The following LRRC37A variants were observed in gnomAD, a reference collection of about 807,000 sequenced individuals.
The protein encoded by LRRC37A is leucine rich repeat containing 37A, also known as leucine-rich repeat-containing protein 37A.
Under a neutral mutation model 35.4 loss-of-function variants are expected in LRRC37A, and 3 were observed. That is an observed-to-expected ratio of 0.08 (90% CI 0.04 to 0.22). LRRC37A has a LOEUF of 0.22. Among genes scored for constraint, LRRC37A ranks in the 10% least tolerant of loss-of-function variants. The pLI is 1.00. For synonymous variants in LRRC37A, 23 were observed against 215.0 expected (o/e 0.11, Z 7.81); for missense variants, 67 against 565.3 (o/e 0.12, Z 8.94).
chr17:46,268,680 A>G, the LRRC37A span: 2 of 1,494,276 alleles, frequency 1.3e-6, no homozygotes, highest in Non-Finnish European at 1.8e-6. Flanking sequence ...TGCAATTCAT[A>G]CCCAATGCAT....
chr17:46,282,066 A>G, the LRRC37A span, among the ~76,000 whole-genome samples: 7 of 151,812 alleles, frequency 4.6e-5, no homozygotes, highest in Non-Finnish European at 1.5e-5. Flanking sequence ...TAAAAATTGG[A>G]TACTTTAGCT....
At chr17:46,330,897 C>T (rs1269800485) in exon 9 of LRRC37A, 2 of 724,846 alleles carry the variant, frequency 2.8e-6, no homozygotes, top group East Asian at 5.2e-5. Context: ...AAAAGGCTCA[C>T]GAGTCCAGCC....
chr17:46,281,250 G>A, the LRRC37A span, among the ~76,000 whole-genome samples: 4 of 151,972 alleles, frequency 2.6e-5, no homozygotes, highest in African/African-American at 9.7e-5. Context: ...TAGAGTGCAG[G>A]GGCTTTAATT....
At chr17:46,281,677 ACTGTCACCCAGG>A in the LRRC37A span, among the ~76,000 whole-genome samples, 2 of 152,048 alleles carry the variant, frequency 1.3e-5, no homozygotes, top group Admixed American at 1.3e-4. Flanking sequence ...TGAGAGTCTC[ACTGTCACCCAGG>A]CTGGAGTGCA....
In LRRC37A at chr17:46,323,983, G is replaced by A. The variant is rs2051555578; in HGVS notation, c.3053+956G>A. On this transcript the variant is annotated intron_variant, in intron 7 of 13. Transcript: ENST00000320254. ...ATGTCATTTCATAAAAAAGACCTCAGCATCTGTGGACTTTGGTAACTGCAG... is the reference window on the plus strand; with the variant it reads ...ATGTCATTTCATAAAAAAGACCTCAACATCTGTGGACTTTGGTAACTGCAG... Among the ~76,000 whole-genome samples the A allele has an allele frequency of 1.9e-5, 2 of 103,102 alleles. 1 individual carries two copies. Among genetic ancestry groups the A allele is most frequent in the Admixed American group, 2.0e-4 (2 of 10,244 alleles). 67.6% of individuals were successfully genotyped at this position (103,102 alleles called of 152,430 possible).
At chr17:46,263,835 C>G in the LRRC37A span, among the ~76,000 whole-genome samples, 1 of 127,748 alleles carries the variant, frequency 7.8e-6, no homozygotes, top group East Asian at 2.6e-4. Context: ...GACTGGGCAA[C>G]AAGAGTGAGA....
chr17:46,272,560 G>A, the LRRC37A span, among the ~76,000 whole-genome samples: 1 of 152,146 alleles, frequency 6.6e-6, no homozygotes, highest in Non-Finnish European at 1.5e-5. Flanking sequence ...GATTTCAGGT[G>A]CCTGCCACCA....
At chr17:46,261,692 C>T in the LRRC37A span, among the ~76,000 whole-genome samples, 1 of 151,320 alleles carries the variant, frequency 6.6e-6, no homozygotes, top group Non-Finnish European at 1.5e-5. Context: ...GGATTACAGG[C>T]CCGAGCCATG....
At chr17:46,262,733 C>T in the LRRC37A span, among the ~76,000 whole-genome samples, 1 of 149,984 alleles carries the variant, frequency 6.7e-6, no homozygotes, top group Non-Finnish European at 1.5e-5. Context: ...TGCGGTGAGC[C>T]GAGATCAAGC....
chr17:46,272,028 G>A, the LRRC37A span, among the ~76,000 whole-genome samples: 4 of 152,250 alleles, frequency 2.6e-5, no homozygotes, highest in African/African-American at 9.6e-5. Flanking sequence ...CCAGAGTGCT[G>A]GGATTATAGG....
the LRRC37A span, chr17:46,268,628 T>C: frequency 6.4e-7 from 1 of 1,556,172 alleles, no homozygotes; most frequent in Non-Finnish European, 8.7e-7. Context: ...GCAGCAGCTA[T>C]GTGAAAAGGT....
At chr17:46,257,911 G>A in the LRRC37A span, among the ~76,000 whole-genome samples, 1 of 152,194 alleles carries the variant, frequency 6.6e-6, no homozygotes, top group African/African-American at 2.4e-5. Context: ...AATCTGGGAG[G>A]GACTTAGCTG....
At chr17:46,281,646 G>A in the LRRC37A span, among the ~76,000 whole-genome samples, 8 of 152,136 alleles carry the variant, frequency 5.3e-5, no homozygotes, top group Admixed American at 3.3e-4. Context: ...GTAAGGTTGG[G>A]AATTTTTTCT....
the LRRC37A span, among the ~76,000 whole-genome samples, chr17:46,264,647 C>T: frequency 1.5e-3 from 228 of 152,268 alleles, 1 homozygote; most frequent in Non-Finnish European, 2.5e-3. Flanking sequence ...TCTCTTTGAA[C>T]TCTTTGTACC....
At chr17:46,291,624 A>G (rs1323932281), upstream of LRRC37A, among the ~76,000 whole-genome samples, 1 of 152,094 alleles carries the variant, frequency 6.6e-6, no homozygotes, top group Non-Finnish European at 1.5e-5. Context: ...GTGTAATATG[A>G]AAAAAAGACA....
the LRRC37A span, among the ~76,000 whole-genome samples, chr17:46,275,795 G>C: frequency 6.7e-3 from 1,025 of 152,182 alleles, 24 homozygotes; most frequent in African/African-American, 0.024. Flanking sequence ...GGAATATAAA[G>C]GGAAAAATTA....
chr17:46,277,162 T>C, the LRRC37A span, among the ~76,000 whole-genome samples: 1 of 152,236 alleles, frequency 6.6e-6, no homozygotes, highest in African/African-American at 2.4e-5. Context: ...CCATGTGCTT[T>C]ATTGAAAATT....
the LRRC37A span, among the ~76,000 whole-genome samples, chr17:46,285,241 CTTTTT>C: frequency 1.4e-5 from 2 of 138,412 alleles, no homozygotes; most frequent in South Asian, 2.2e-4. Context: ...CTTTTCTTTC[CTTTTT>C]TTTTTTTTTT....
At chr17:46,248,336 C>G in the LRRC37A span, among the ~76,000 whole-genome samples, 1 of 152,096 alleles carries the variant, frequency 6.6e-6, no homozygotes, top group Admixed American at 6.5e-5. Context: ...CCACCACATT[C>G]CCAATATAAA....
Sources: gnomAD v4.1 joint callset for allele counts (sites outside exome capture counted in the v4.1 genomes callset) on GRCh38, gnomAD v4.1.1 for gene constraint, MANE v1.5 for transcripts, NCBI Gene and HGNC (gene_info 2026-07-23, HGNC 2026-07-21) for gene names.